The following MXRA5 variants were observed in gnomAD, a reference collection of about 807,000 sequenced individuals.
MXRA5 encodes matrix remodeling associated 5, also known as matrix-remodeling-associated protein 5.
Under a neutral mutation model 112.5 loss-of-function variants are expected in MXRA5, and 41 were observed. That is an observed-to-expected ratio of 0.36 (90% confidence interval 0.28 to 0.47). The LOEUF is 0.47. Among genes scored for constraint, MXRA5 ranks in the 20% least tolerant of loss-of-function variants. The pLI, the probability that MXRA5 is intolerant of heterozygous loss-of-function variation, is 0.99. For missense variants in MXRA5, 2,150 were observed against 2,251.0 expected (o/e 0.96, Z 0.91); for synonymous variants, 862 against 900.8 (o/e 0.96, Z 0.77).
Position 3,323,880 on chromosome X carries a change from A to G in MXRA5, c.1805T>C (p.Leu602Ser). The change falls in exon 5 of 7, where the codon TTA (leucine) becomes TCA (serine). Residue 602 changes from leucine (L) to serine (S), a missense_variant. Transcript: ENST00000217939. ...GCTAAGGTGGGCTTCGGGTATTGCT[A>G]AAGCATTGCAAGGCAATGTCACCGA... The part of the protein sequence containing the change: ...GESVTLPCNA[L>S]AIPEAHLSWI... 2 of 1,208,248 alleles carry G rather than the reference A, an allele frequency of 1.7e-6. No homozygotes were observed. The highest frequency in any genetic ancestry group is 5.9e-5 in the East Asian group (2 of 33,801).
chrX:3,343,579 A>T (rs915444844), intron 2 of MXRA5, 67 bp downstream of exon 2: 1 of 1,032,369 alleles, frequency 9.7e-7, no homozygotes, highest in African/African-American at 1.9e-5. Context: ...GCACATACAC[A>T]CACGCAAAAC....
At position 3,310,828 on chromosome X, in the gene MXRA5, C is replaced by T; in HGVS notation, c.7375G>A (p.Gly2459Ser). Residue 2459 changes from glycine (G) to serine (S), a missense_variant, in exon 7 of 7, where the codon GGC (glycine) becomes AGC (serine). By Grantham distance (56) the Gly-to-Ser change is moderately conservative. Around this residue, in one of 6 missense-constraint regions of MXRA5, gnomAD observed 93 missense variants for 135.5 expected, o/e 0.69. Coordinates refer to ENST00000217939, the MANE Select transcript of MXRA5 (RefSeq NM_015419.4). ...ITTVREIAAG[G>S]SRKLIDCKAE... Reference sequence around the variant, plus strand: ...TTGCAGTCAATCAGTTTCCGACTGCCCCCGGCTGCTATCTCCCGCACAGTG... The same window carrying T: ...TTGCAGTCAATCAGTTTCCGACTGCTCCCGGCTGCTATCTCCCGCACAGTG... 5 of 1,209,676 alleles carry T rather than the reference C, an allele frequency of 4.1e-6. No homozygotes were observed. The highest frequency in any genetic ancestry group is 5.6e-6 in the Non-Finnish European group (5 of 894,840).
chrX:3,319,306 C>T lies in MXRA5; in HGVS notation c.5677+702G>A, dbSNP rs936848451. Among the ~76,000 whole-genome samples, 12 of 112,523 alleles carry T rather than the reference C, an allele frequency of 1.1e-4. 1 individual carries two copies. The highest frequency in any genetic ancestry group is 8.4e-4 in the Admixed American group (9 of 10,673). ...CTTTACACTAATCCCAGAAACAGGG[C>T]CATCTTCAGGCAAAGGACAGCAAAT... On this transcript the variant is annotated intron_variant, in intron 5 of 6. Transcript: ENST00000217939.
chrX:3,319,973 C>CAAA (rs113639501), intron 5 of MXRA5, 35 bp downstream of exon 5: 25 of 884,364 alleles, frequency 2.8e-5, no homozygotes, highest in Admixed American at 1.0e-4. Flanking sequence ...AAAAATTGAC[C>CAAA]AAAAAAAAAA....
In MXRA5 at chrX:3,321,441, T is replaced by C; in HGVS notation, c.4244A>G (p.Asp1415Gly). Residue 1415 changes from aspartate to glycine, a missense_variant, in exon 5 of 7, where the codon GAT becomes GGT. By Grantham distance (94) the Asp-to-Gly change is moderately conservative (BLOSUM62 -1). Coordinates refer to ENST00000217939, the MANE Select transcript of MXRA5 (RefSeq NM_015419.4). ...CAAAAACTCGGAAGTGAAATCCACA[T>C]CCTCAAGCTCTTTAAGAAGGGGAGG... Reference protein sequence around the residue: ...TDPPLLKELEDVDFTSEFLSS... With the variant: ...TDPPLLKELEGVDFTSEFLSS... The C allele has an allele frequency of 8.3e-7, 1 of 1,211,165 alleles. No individual in the cohort carries two copies. The highest frequency in any genetic ancestry group is 1.1e-6 in the Non-Finnish European group (1 of 895,084).
rs747077034 is a variant in MXRA5, at chrX:3,330,220, G to T, written c.507C>A (p.Ser169Arg). ...CCAAAAATGTGAACGTGGAGAAGGTGCTGGGGTGCAGCTGGTGGAGGAGAT... is the reference window on the plus strand; with the variant it reads ...CCAAAAATGTGAACGTGGAGAAGGTTCTGGGGTGCAGCTGGTGGAGGAGAT... ...EGNLLHQLHP[S>R]TFSTFTFLDY... is the part of the protein sequence containing the mutation. Residue 169 changes from serine to arginine, a missense_variant, in exon 4 of 7, where the codon AGC becomes AGA. Physicochemically the swap from Ser to Arg is moderately radical, Grantham distance 110 (BLOSUM62 -1). Coordinates refer to ENST00000217939, the MANE Select transcript of MXRA5 (RefSeq NM_015419.4). 1 of 1,208,839 alleles carries T rather than the reference G, an allele frequency of 8.3e-7. No individual in the cohort carries two copies. The highest frequency in any genetic ancestry group is 3.0e-5 in the East Asian group (1 of 33,743).
chrX:3,343,153 T>C (rs1922027747), intron 2 of MXRA5, among the ~76,000 whole-genome samples: 2 of 112,691 alleles, frequency 1.8e-5, no homozygotes, highest in African/African-American at 3.2e-5. Context: ...AAAAAGACGT[T>C]GATATTTTTA....
intron 5 of MXRA5, among the ~76,000 whole-genome samples, chrX:3,319,332 G>A (rs1476606110): frequency 8.9e-6 from 1 of 112,586 alleles, no homozygotes; most frequent in Non-Finnish European, 1.9e-5. Context: ...GACAGCAAAT[G>A]TGGGTTTAAT....
At chrX:3,339,305 C>T (rs1921861829) in intron 2 of MXRA5, among the ~76,000 whole-genome samples, 1 of 109,883 alleles carries the variant, frequency 9.1e-6, no homozygotes, top group Admixed American at 9.8e-5. Context: ...CGCTCTGTCA[C>T]CCAAGCTGGA....
chrX:3,317,843 G>C lies in MXRA5; in HGVS notation c.5838C>G (p.Thr1946=), dbSNP rs759677896. The change falls in exon 6 of 7, where the codon ACC becomes ACG. Residue 1946 remains threonine, a synonymous_variant. Coordinates refer to ENST00000217939, the MANE Select transcript of MXRA5 (RefSeq NM_015419.4). ...AGGCTAGGATTTGAGGTTGCTGCAC[G>C]GTGACCGAAAGCAAGACCACCATCC... ...LDRMVVLLSV[T]VQQPQILASH... is the part of the protein sequence containing the mutation. The C allele has an allele frequency of 4.1e-6, 5 of 1,209,260 alleles. No homozygotes were observed. In the Admixed American group the frequency reaches 1.1e-4, roughly 26 times the overall value.
In MXRA5 at chrX:3,317,779, T is replaced by C. The variant is rs768592413; in HGVS notation, c.5902A>G (p.Ile1968Val). ...CCTTTGGCCAGACACTCCATTGCAA[T>C]GGTGTCTCCCAGGTAGACAGTGACG... is the stretch of plus-strand genomic sequence containing the variant. ...QDVTVYLGDT[I>V]AMECLAKGTP... Residue 1968 changes from isoleucine to valine, a missense_variant, in exon 6 of 7, where the codon ATT becomes GTT. Ile to Val is a conservative substitution (Grantham distance 29). This residue lies in a region of MXRA5 where 1,485 missense variants were observed against 1,471.6 expected (regional missense o/e 1.01). Transcript: ENST00000217939. 13 of 1,210,331 alleles carry C rather than the reference T, an allele frequency of 1.1e-5. No homozygotes were observed. The highest frequency in any genetic ancestry group is 4.5e-6 in the Non-Finnish European group (4 of 894,788).
Position 3,309,606 on chromosome X carries a change from C to A in MXRA5, c.*110G>T. The A allele has an allele frequency of 1.6e-6, 1 of 638,531 alleles. No homozygotes were observed. 52.6% of individuals were successfully genotyped at this position (638,531 alleles called of 1,213,427 possible). A position where few individuals can be genotyped will look rare whatever the true frequency, so the allele number is the denominator to read the frequency against. On this transcript the variant is annotated 3_prime_UTR_variant, in exon 7 of 7. Transcript: ENST00000217939. ...ACCTCAACTTGAAACCCACCAGAGG[C>A]CACCATGCACTGTGACACATTATTT...
At chrX:3,311,850 T>C (rs1217629626) in intron 6 of MXRA5, among the ~76,000 whole-genome samples, 15 of 112,231 alleles carry the variant, frequency 1.3e-4, no homozygotes, top group Non-Finnish European at 2.4e-4. Flanking sequence ...GGCCTGACCA[T>C]GGGTTCAAGG....
intron 2 of MXRA5, among the ~76,000 whole-genome samples, chrX:3,335,252 A>G (rs1255716777): frequency 9.0e-6 from 1 of 111,704 alleles, no homozygotes; most frequent in Non-Finnish European, 1.9e-5. Flanking sequence ...GCTGAAGTGC[A>G]GTGGCGCCAT....
Position 3,321,534 on chromosome X carries a change from C to A in MXRA5, c.4151G>T (p.Arg1384Met). The change falls in exon 5 of 7, where the codon AGG (arginine) becomes ATG (methionine). Residue 1384 changes from arginine to methionine, a missense_variant. By Grantham distance (91) the Arg-to-Met change is moderately conservative. Coordinates refer to ENST00000217939, the MANE Select transcript of MXRA5 (RefSeq NM_015419.4). Reference protein sequence around the residue: ...FPGTPTWNPSRTAQPGRLQTG... With the variant: ...FPGTPTWNPSMTAQPGRLQTG... ...CTGTAGCCTCCCAGGCTGGGCCGTC[C>A]TTGAGGGATTCCAGGTTGGAGTTCC... 1 of 1,210,223 alleles carries A rather than the reference C, an allele frequency of 8.3e-7. No homozygotes were observed. Among genetic ancestry groups the A allele is most frequent in the Non-Finnish European group, 1.1e-6 (1 of 894,667 alleles).
rs1338590404 is a variant in MXRA5 at position 3,321,463 on chromosome X, G to C, written c.4222C>G (p.Pro1408Ala). The C allele has an allele frequency of 8.3e-7, 1 of 1,211,283 alleles. No individual in the cohort carries two copies. Among genetic ancestry groups the C allele is most frequent in the Admixed American group, 2.2e-5 (1 of 46,013 alleles). ...ACATCCTCAAGCTCTTTAAGAAGGG[G>C]AGGGTCTGTAAGATTTTCCCCAGAA... ...TTSGENLTDP[P>A]LLKELEDVDF... Residue 1408 changes from proline to alanine, a missense_variant, in exon 5 of 7, where the codon CCC (proline) becomes GCC (alanine). Transcript: ENST00000217939.
chrX:3,342,323 C>T (rs1366997941), intron 2 of MXRA5, among the ~76,000 whole-genome samples: 1 of 111,110 alleles, frequency 9.0e-6, no homozygotes, highest in African/African-American at 3.3e-5. Flanking sequence ...ACCTATGTAA[C>T]AAACTTGTAC....
chrX:3,311,096 C>T lies in MXRA5; in HGVS notation c.7107G>A (p.Glu2369=), dbSNP rs1212365855. The part of the protein sequence containing the change: ...PYGDVVTVAC[E]AKGEPMPKVT... The stretch of plus-strand genomic sequence containing the variant: ...CCTTGGGCATGGGTTCTCCTTTGGC[C>T]TCACAGGCTACAGTGACCACGTCTC... The change falls in exon 7 of 7, where the codon GAG becomes GAA. Residue 2369 remains glutamate, a synonymous_variant. Coordinates refer to ENST00000217939, the MANE Select transcript of MXRA5 (RefSeq NM_015419.4). The T allele has an allele frequency of 3.3e-6, 4 of 1,209,543 alleles. No homozygotes were observed. The highest frequency in any genetic ancestry group is 3.5e-5 in the South Asian group (2 of 56,767).
intron 4 of MXRA5, among the ~76,000 whole-genome samples, chrX:3,329,666 G>A (rs1216513840): frequency 9.0e-6 from 1 of 111,429 alleles, no homozygotes; most frequent in South Asian, 3.8e-4. Flanking sequence ...ATGGAACATG[G>A]ATTCACAGCC....
Sources: gnomAD v4.1 joint callset for allele counts (sites outside exome capture counted in the v4.1 genomes callset) on GRCh38, gnomAD v4.1.1 for gene constraint, gnomAD v4.1.1 regional missense constraint, MANE v1.5 for transcripts, NCBI Gene and HGNC (gene_info 2026-07-23, HGNC 2026-07-21) for gene names.